Variants in ARID5B observed in about 807,000 individuals in gnomAD.
ARID5B encodes AT-rich interactive domain-containing protein 5B.
ARID5B carries 13 observed loss-of-function variants against 97.2 expected under a neutral mutation model. The observed-to-expected ratio is 0.13, with a 90% CI of 0.09 to 0.21. The LOEUF is 0.21. Among genes scored for constraint, ARID5B ranks in the 10% least tolerant of loss-of-function variants. The pLI, the probability that ARID5B is intolerant of heterozygous loss-of-function variation, is 1.00. For synonymous variants in ARID5B, 556 were observed against 570.3 expected, an observed-to-expected ratio of 0.97 and a Z score of 0.36; for missense variants, 1,210 against 1,465.3, an observed-to-expected ratio of 0.83 and a Z score of 2.84.
In ARID5B at chr10:62,050,921, A is replaced by C. The variant is rs1389404891; in HGVS notation, c.767A>C (p.Lys256Thr). ...PNLKGRPRKK[K>T]PCPQRRDSFS... is the part of the protein sequence containing the mutation. ...CTTAAAGGCAGACCACGCAAAAAGAAACCATGCCCACAAAGAAGAGATTCA... is the reference window on the plus strand; with the variant it reads ...CTTAAAGGCAGACCACGCAAAAAGACACCATGCCCACAAAGAAGAGATTCA... Residue 256 changes from lysine (K) to threonine (T), a missense_variant, in exon 5 of 10, where the codon AAA becomes ACA. Around this residue, in one of 8 missense-constraint regions of ARID5B, gnomAD observed 132 missense variants for 156.7 expected, o/e 0.84. Transcript: ENST00000279873. 6.2e-7 allele frequency: 1 copy of C among 1,614,058 alleles called. No homozygotes were observed. Among genetic ancestry groups the C allele is most frequent in the Admixed American group, 1.7e-5 (1 of 60,012 alleles).
chr10:61,958,739 C>G (rs1838428128), intron 3 of ARID5B, among the ~76,000 whole-genome samples: 1 of 152,174 alleles, frequency 6.6e-6, no homozygotes. Flanking sequence ...CAAATAGAAA[C>G]CCTGTGCTTG....
chr10:61,959,724 C>T (rs1838443555), intron 3 of ARID5B, among the ~76,000 whole-genome samples: 2 of 152,102 alleles, frequency 1.3e-5, no homozygotes, highest in Non-Finnish European at 2.9e-5. Context: ...CTGTTCTCCC[C>T]AAGAAGCCAC....
At chr10:62,076,833 T>A (rs1840144048) in intron 8 of ARID5B, among the ~76,000 whole-genome samples, 1 of 152,108 alleles carries the variant, frequency 6.6e-6, no homozygotes, top group Non-Finnish European at 1.5e-5. Flanking sequence ...CCCATCCTCA[T>A]CCATGGTAAG....
At chr10:62,049,215 C>G in intron 4 of ARID5B, 1 of 1,350,188 alleles carries the variant, frequency 7.4e-7, no homozygotes, top group Non-Finnish European at 9.5e-7. Flanking sequence ...GAGAGCAGAG[C>G]CCTCCCTGCC....
intron 8 of ARID5B, among the ~76,000 whole-genome samples, chr10:62,075,854 G>A (rs1210941872): frequency 6.6e-6 from 1 of 152,186 alleles, no homozygotes; most frequent in African/African-American, 2.4e-5. Context: ...TCTCCTACTG[G>A]CCTGTTGCAT....
intron 2 of ARID5B, among the ~76,000 whole-genome samples, chr10:61,939,541 A>C (rs995982011): frequency 8.5e-5 from 13 of 152,194 alleles, no homozygotes; most frequent in African/African-American, 3.1e-4. Context: ...TAAAAGAAAA[A>C]ATCAGTTCAT....
chr10:62,023,506 A>G (rs1247191021), intron 4 of ARID5B, among the ~76,000 whole-genome samples: 4 of 152,236 alleles, frequency 2.6e-5, no homozygotes, highest in South Asian at 2.1e-4. Context: ...TTCTTGTACC[A>G]GAAGAATAAA....
chr10:62,014,752 A>C (rs758418514), intron 4 of ARID5B, among the ~76,000 whole-genome samples: 4 of 152,182 alleles, frequency 2.6e-5, no homozygotes, highest in Non-Finnish European at 4.4e-5. Flanking sequence ...GAATCAGATG[A>C]AAGCTATGAA....
At chr10:61,970,994 T>C (rs1017716253) in intron 3 of ARID5B, among the ~76,000 whole-genome samples, 3 of 150,474 alleles carry the variant, frequency 2.0e-5, no homozygotes, top group African/African-American at 7.3e-5. Flanking sequence ...TGTGTGTGTA[T>C]GTGTGTATAA....
At chr10:62,066,710 A>G (rs1390528808) in intron 7 of ARID5B, among the ~76,000 whole-genome samples, 1 of 152,110 alleles carries the variant, frequency 6.6e-6, no homozygotes, top group Non-Finnish European at 1.5e-5. Context: ...TTATTCCTAA[A>G]GGGTCTTTTC....
intron 9 of ARID5B, among the ~76,000 whole-genome samples, chr10:62,086,199 G>T (rs1451793304): frequency 1.3e-5 from 2 of 152,182 alleles, no homozygotes; most frequent in Non-Finnish European, 2.9e-5. Context: ...AGAGAAAAGG[G>T]TCCAGAGCCA....
intron 4 of ARID5B, among the ~76,000 whole-genome samples, chr10:62,022,710 T>C (rs953586621): frequency 1.3e-5 from 2 of 152,154 alleles, no homozygotes; most frequent in Non-Finnish European, 2.9e-5. Flanking sequence ...TAGAGGGAGA[T>C]CATCAAAGGA....
chr10:61,983,489 G>A (rs1838804768), intron 3 of ARID5B, among the ~76,000 whole-genome samples: 1 of 152,172 alleles, frequency 6.6e-6, no homozygotes, highest in Non-Finnish European at 1.5e-5. Context: ...GTCGCTAAAT[G>A]GAGCTGTTAA....
intron 3 of ARID5B, among the ~76,000 whole-genome samples, chr10:61,991,089 G>C (rs1331743754): frequency 2.3e-5 from 3 of 130,888 alleles, no homozygotes. Flanking sequence ...TTTGTTATCT[G>C]TTCATCTATT....
Position 62,091,643 on chromosome 10 carries a change from A to T in ARID5B, c.2180A>T (p.Asp727Val). ...AAAAAGAAACTGATTGCTAGGGATG[A>T]CTTGTGTTCCAGTTTGTCCCAGACC... Reference protein sequence around the residue: ...ISKKKLIARDDLCSSLSQTHH... With the variant: ...ISKKKLIARDVLCSSLSQTHH... Residue 727 changes from aspartate (D) to valine (V), a missense_variant, in exon 10 of 10, where the codon GAC (aspartate) becomes GTC (valine). By Grantham distance (152) the Asp-to-Val change is radical (BLOSUM62 -3). Around this residue, in one of 8 missense-constraint regions of ARID5B, gnomAD observed 800 missense variants for 839.1 expected, o/e 0.95. Coordinates refer to ENST00000279873, the MANE Select transcript of ARID5B (RefSeq NM_032199.3). 1 of 1,614,090 alleles carries T rather than the reference A, an allele frequency of 6.2e-7. No homozygotes were observed. Among genetic ancestry groups the T allele is most frequent in the Non-Finnish European group, 8.5e-7 (1 of 1,180,014 alleles).
intron 4 of ARID5B, among the ~76,000 whole-genome samples, chr10:62,014,439 G>A (rs1209179407): frequency 6.6e-6 from 1 of 152,192 alleles, no homozygotes; most frequent in East Asian, 1.9e-4. Flanking sequence ...AGTAGCGGCT[G>A]AAGGTAGGGG....
intron 4 of ARID5B, chr10:62,049,335 A>G (rs1187665447): frequency 6.6e-7 from 1 of 1,521,156 alleles, no homozygotes; most frequent in Non-Finnish European, 8.8e-7. Flanking sequence ...AGTTGTAAGC[A>G]GAGCGCTGAG....
At chr10:61,963,488 C>T (rs116312570) in intron 3 of ARID5B, among the ~76,000 whole-genome samples, 191 of 152,004 alleles carry the variant, frequency 1.3e-3, no homozygotes, top group African/African-American at 4.3e-3. Flanking sequence ...GCAGTGAGAG[C>T]GAGACTGCAC....
chr10:62,008,847 C>T (rs563971456), intron 4 of ARID5B, among the ~76,000 whole-genome samples: 11 of 152,318 alleles, frequency 7.2e-5, no homozygotes, highest in African/African-American at 2.6e-4. Flanking sequence ...GGTTTCCATG[C>T]TGACAGGACT....
Sources: allele counts gnomAD v4.1 joint callset (sites outside exome capture counted in the v4.1 genomes callset), GRCh38; gene constraint gnomAD v4.1.1; regional missense constraint gnomAD v4.1.1; transcripts MANE v1.5; gene names NCBI Gene and HGNC (gene_info 2026-07-23, HGNC 2026-07-21).